Variants in KRT28 observed in about 807,000 individuals in gnomAD.
The protein encoded by KRT28 is keratin 28.
In KRT28, 45 loss-of-function variants were observed where a neutral mutation model predicts 48.1. The observed-to-expected ratio is 0.94, with a 90% CI of 0.74 to 1.20. The LOEUF is 1.20. KRT28 is among the 50% of genes most tolerant of loss of function. The pLI is 0.00. For missense variants in KRT28, 571 were observed against 574.1 expected (o/e 0.99, Z 0.06); for synonymous variants, 228 against 227.4 (o/e 1.00, Z -0.03).
chr17:40,799,064 G>A (rs1904687643), intron 1 of KRT28, 65 bp from the exon 2 acceptor site: 1 of 1,010,938 alleles, frequency 9.9e-7, no homozygotes, highest in Non-Finnish European at 1.5e-6. Context: ...ATTATTTCAG[G>A]AAATGAAAAA....
Position 40,799,742 on chromosome 17 carries a change from C to T in KRT28, c.152G>A (p.Gly51Glu). ...AGSEFSCALG[G>E]GLGSVPGGSH... ...CCCACCAGGAACACTGCCCAAGCCCCCTCCCAAGGCACAGGAAAATTCACT... is the reference window on the plus strand; with the variant it reads ...CCCACCAGGAACACTGCCCAAGCCCTCTCCCAAGGCACAGGAAAATTCACT... The change falls in exon 1 of 8, where the codon GGG (glycine) becomes GAG (glutamate). Residue 51 changes from glycine (G) to glutamate (E), a missense_variant. Coordinates refer to ENST00000306658, the MANE Select transcript of KRT28 (RefSeq NM_181535.3). The T allele has an allele frequency of 1.2e-6, 2 of 1,614,104 alleles. No homozygotes were observed. Among genetic ancestry groups the T allele is most frequent in the Non-Finnish European group, 1.7e-6 (2 of 1,180,016 alleles).
intron 5 of KRT28, among the ~76,000 whole-genome samples, chr17:40,796,708 G>A (rs1395806187): frequency 6.6e-6 from 1 of 152,194 alleles, no homozygotes; most frequent in Non-Finnish European, 1.5e-5. Context: ...GCATCAGCCA[G>A]GAAGGAAACT....
At chr17:40,794,700 GT>G (rs913061477) in intron 5 of KRT28, among the ~76,000 whole-genome samples, 4 of 152,076 alleles carry the variant, frequency 2.6e-5, no homozygotes, top group Non-Finnish European at 5.9e-5. Context: ...TCTGTAATTT[GT>G]CTTGGCACCT....
In KRT28 at chr17:40,799,853, A is replaced by C; in HGVS notation, c.41T>G (p.Leu14Ter). 1 of 1,613,796 alleles carries C rather than the reference A, an allele frequency of 6.2e-7. No homozygotes were observed. Among genetic ancestry groups the C allele is most frequent in the Non-Finnish European group, 8.5e-7 (1 of 1,180,008 alleles). ...TCTGACAGATCCAGCTCCAGACCTT[A>C]AGCAAACATGCCTGGATCCATTAGA... ...QFSNGSRHVC[L>*]RSGAGSVRPL... Residue 14 changes from leucine to a stop codon, truncating the protein, a stop_gained, in exon 1 of 8, where the codon TTA becomes TGA. Transcript: ENST00000306658. LOFTEE classifies it high-confidence loss of function.
intron 2 of KRT28, 67 bp downstream of exon 2, chr17:40,798,850 A>G: frequency 2.9e-6 from 3 of 1,033,576 alleles, no homozygotes; most frequent in Non-Finnish European, 2.9e-6. Context: ...ATGAAATAGA[A>G]ATTTTATTTA....
At chr17:40,796,202 G>A (rs1401395917) in intron 5 of KRT28, among the ~76,000 whole-genome samples, 1 of 152,238 alleles carries the variant, frequency 6.6e-6, no homozygotes, top group Non-Finnish European at 1.5e-5. Flanking sequence ...GGGGAAGGGA[G>A]TCCTTAGGCC....
rs1450480968 is a variant in KRT28 at position 40,799,480 on chromosome 17, G to A, written c.414C>T (p.Ser138=). Residue 138 remains serine, a synonymous_variant, in exon 1 of 8, where the codon AGC becomes AGT. Transcript: ENST00000306658. ...GATCCTCAATTGTTAGGTGATATCT[G>A]CTATAGTCATGATCAAGTCCACGGC... The part of the protein sequence containing the change: ...GSCRGLDHDY[S]RYHLTIEDLK... 2.5e-6 allele frequency: 4 copies of A among 1,613,632 alleles called. No individual in the cohort carries two copies. The highest frequency in any genetic ancestry group is 3.4e-6 in the Non-Finnish European group (4 of 1,179,874).
In KRT28 at chr17:40,792,695, A is replaced by T. The variant is rs1904520805; in HGVS notation, c.1253-126T>A. Reference sequence around the variant, plus strand: ...GGAGTAAGTATATATTTATAATAATAGCTTGGGATAGTTTTAGCCACTTGA... The same window carrying T: ...GGAGTAAGTATATATTTATAATAATTGCTTGGGATAGTTTTAGCCACTTGA... On this transcript the variant is annotated intron_variant, in intron 7 of 7. Coordinates refer to ENST00000306658, the MANE Select transcript of KRT28 (RefSeq NM_181535.3). 10 of 696,254 alleles carry T rather than the reference A, an allele frequency of 1.4e-5. No homozygotes were observed. The South Asian group carries it at 2.1e-4, about 14-fold the overall frequency. 43.1% of individuals were successfully genotyped at this position (696,254 alleles called of 1,614,324 possible). A position where few individuals can be genotyped will look rare whatever the true frequency, so the allele number is the denominator to read the frequency against.
intron 6 of KRT28, 35 bp downstream of exon 6, chr17:40,793,794 A>G (rs1567689030): frequency 6.2e-7 from 1 of 1,604,464 alleles, no homozygotes; most frequent in Admixed American, 1.7e-5. Flanking sequence ...AGCTTAAAAG[A>G]GGTAAAAACT....
intron 5 of KRT28, among the ~76,000 whole-genome samples, chr17:40,796,400 T>C (rs1904614402): frequency 6.6e-6 from 1 of 152,240 alleles, no homozygotes; most frequent in African/African-American, 2.4e-5. Flanking sequence ...ACCTCTGCCC[T>C]GGACTCTGTG....
At chr17:40,797,829 C>T (rs2143076764) in intron 3 of KRT28, among the ~76,000 whole-genome samples, 1 of 152,268 alleles carries the variant, frequency 6.6e-6, no homozygotes, top group South Asian at 2.1e-4. Flanking sequence ...ACAGTCATAG[C>T]ACCCCAAGAG....
Position 40,799,944 on chromosome 17 carries a change from G to T in KRT28, c.-51C>A. On this transcript the variant is annotated 5_prime_UTR_variant, in exon 1 of 8. Coordinates refer to ENST00000306658, the MANE Select transcript of KRT28 (RefSeq NM_181535.3). ...TCTATGCAAAACTGTAATGTCCCAAGAGAACAGAATATCATGCACTGATAA... is the reference window on the plus strand; with the variant it reads ...TCTATGCAAAACTGTAATGTCCCAATAGAACAGAATATCATGCACTGATAA... 7.3e-7 allele frequency: 1 copy of T among 1,376,524 alleles called. No homozygotes were observed. Among genetic ancestry groups the T allele is most frequent in the South Asian group, 1.2e-5 (1 of 83,434 alleles). 85.3% of individuals were successfully genotyped at this position (1,376,524 alleles called of 1,614,324 possible).
chr17:40,798,819 T>A, intron 2 of KRT28, 98 bp downstream of exon 2: 1 of 754,976 alleles, frequency 1.3e-6, no homozygotes, highest in Non-Finnish European at 2.3e-6. Context: ...ATCTTTTAGG[T>A]GATAGTTCAT....
Position 40,799,696 on chromosome 17 carries a change from A to G in KRT28, c.198T>C (p.Leu66=), listed in dbSNP as rs1389538832. Reference sequence around the variant, plus strand: ...CAAAGCCAATACAAGCAGCATTTCCAAGGGCACCACCAGCATGGCTCCCAC... The same window carrying G: ...CAAAGCCAATACAAGCAGCATTTCCGAGGGCACCACCAGCATGGCTCCCAC... The part of the protein sequence containing the change: ...VPGGSHAGGA[L]GNAACIGFAG... Residue 66 remains leucine, a synonymous_variant, in exon 1 of 8, where the codon CTT becomes CTC. Coordinates refer to ENST00000306658, the MANE Select transcript of KRT28 (RefSeq NM_181535.3). 6.2e-7 allele frequency: 1 copy of G among 1,613,974 alleles called. No individual in the cohort carries two copies. The highest frequency in any genetic ancestry group is 8.5e-7 in the Non-Finnish European group (1 of 1,179,996).
rs1904665490 is a variant in KRT28 at position 40,798,324 on chromosome 17, C to G, written c.601G>C (p.Asp201His). 6.2e-7 allele frequency: 1 copy of G among 1,613,486 alleles called. No homozygotes were observed. The highest frequency in any genetic ancestry group is 2.2e-5 in the East Asian group (1 of 44,882). ...TCGGTCCTGCAGAGCGTCAGCTCGT[C>G]CAGGACTCGCCGTAATCCGTTGATG... is the stretch of plus-strand genomic sequence containing the variant. ...ADINGLRRVL[D>H]ELTLCRTDQE... Residue 201 changes from aspartate (D) to histidine (H), a missense_variant, in exon 3 of 8, where the codon GAC becomes CAC. Transcript: ENST00000306658.
At chr17:40,797,362 T>G (rs1488185459) in intron 3 of KRT28, 81 bp from the exon 4 acceptor site, 2 of 1,401,940 alleles carry the variant, frequency 1.4e-6, no homozygotes, top group Non-Finnish European at 2.0e-6. Flanking sequence ...TGTTACTTTA[T>G]GTCTCAAAGT....
rs1567692356 is a variant in KRT28 at position 40,798,339 on chromosome 17, A to G, written c.586T>C (p.Leu196=). 6.2e-7 allele frequency: 1 copy of G among 1,613,184 alleles called. No homozygotes were observed. Among genetic ancestry groups the G allele is most frequent in the Non-Finnish European group, 8.5e-7 (1 of 1,179,534 alleles). ...HQNVEADING[L]RRVLDELTLC... Reference sequence around the variant, plus strand: ...GTCAGCTCGTCCAGGACTCGCCGTAATCCGTTGATGTCGGCCTCTACGTTT... The same window carrying G: ...GTCAGCTCGTCCAGGACTCGCCGTAGTCCGTTGATGTCGGCCTCTACGTTT... Residue 196 remains leucine (L), a synonymous_variant, in exon 3 of 8, where the codon TTA becomes CTA. Transcript: ENST00000306658.
In KRT28 at chr17:40,793,207, T is replaced by C; in HGVS notation, c.1200A>G (p.Ser400=). The change falls in exon 7 of 8, where the codon TCA becomes TCG. Residue 400 remains serine (S), a synonymous_variant. Coordinates refer to ENST00000306658, the MANE Select transcript of KRT28 (RefSeq NM_181535.3). ...YCRLIDGDGN[S]CSKSKGFGSG... ...ATCCAAAGCCCTTTGATTTGGAGCA[T>C]GAACTGTAAAAGAAATATAGTTTAT... 6.5e-7 allele frequency: 1 copy of C among 1,546,782 alleles called. No individual in the cohort carries two copies. The highest frequency in any genetic ancestry group is 8.7e-7 in the Non-Finnish European group (1 of 1,143,948).
At position 40,799,009 on chromosome 17, in the gene KRT28, A is replaced by T. The variant is rs1567692953; in HGVS notation, c.451-10T>A. On this transcript the variant is annotated splice_polypyrimidine_tract_variant and intron_variant, in intron 1 of 7. Transcript: ENST00000306658. ...TAGTGGAGGAGATAATCTAGAATAA[A>T]CCAAAACAGAGAACACAACAAGTAA... 2 of 1,487,758 alleles carry T rather than the reference A, an allele frequency of 1.3e-6. No homozygotes were observed. The highest frequency in any genetic ancestry group is 2.4e-5 in the South Asian group (2 of 82,508). 92.2% of individuals were successfully genotyped at this position (1,487,758 alleles called of 1,614,324 possible). A position where few individuals can be genotyped will look rare whatever the true frequency, so the allele number is the denominator to read the frequency against.
Sources: gnomAD v4.1 joint callset for allele counts (sites outside exome capture counted in the v4.1 genomes callset) on GRCh38, gnomAD v4.1.1 for gene constraint, MANE v1.5 for transcripts, NCBI Gene and HGNC (gene_info 2026-07-23, HGNC 2026-07-21) for gene names.